UNC79: variants seen among roughly 807,000 people sequenced by gnomAD.
UNC79 encodes the protein unc-79 subunit of NALCN channel complex.
In UNC79, 37 loss-of-function variants were observed where a neutral mutation model predicts 283.1. That is an observed-to-expected ratio of 0.13 (90% CI 0.10 to 0.17). UNC79 has a LOEUF of 0.17. Among genes scored for constraint, UNC79 ranks in the 10% least tolerant of loss-of-function variants. The pLI is 1.00. For missense variants in UNC79, 2,272 were observed against 3,211.1 expected (o/e 0.71, Z 7.07); for synonymous variants, 1,107 against 1,200.2 (o/e 0.92, Z 1.61).
At chr14:93,588,740 C>CAAAAAA (rs397745981) in intron 22 of UNC79, among the ~76,000 whole-genome samples, 11 of 17,784 alleles carry the variant, frequency 6.2e-4, no homozygotes, top group Non-Finnish European at 1.4e-3. Flanking sequence ...GACTCCGTCT[C>CAAAAAA]AAAAAAAAAA....
intron 1 of UNC79, among the ~76,000 whole-genome samples, chr14:93,374,559 G>C (rs72708601): frequency 0.084 from 12,744 of 151,738 alleles, 581 homozygotes; most frequent in Middle Eastern, 0.14. Flanking sequence ...CTTTTTTTGA[G>C]ACAGGGCCTC....
At chr14:93,591,933 T>C (rs7149457) in intron 22 of UNC79, among the ~76,000 whole-genome samples, 11,239 of 152,238 alleles carry the variant, frequency 0.074, 914 homozygotes, top group African/African-American at 0.2. Context: ...AAATTATTGC[T>C]GTAGTACAGT....
In UNC79 at chr14:93,340,399, G is replaced by A. The variant is rs140639340; in HGVS notation, c.-351+6876G>A. Reference sequence around the variant, plus strand: ...GGAGCTTGCAGTGAGCAGAGATTGCGCCACTGCACTCTAGCCTGGGCGACA... The same window carrying A: ...GGAGCTTGCAGTGAGCAGAGATTGCACCACTGCACTCTAGCCTGGGCGACA... On this transcript the variant is annotated intron_variant, in intron 1 of 49. Transcript: ENST00000256339. Among the ~76,000 whole-genome samples the A allele has an allele frequency of 2.7e-3, 380 of 138,770 alleles. 1 individual carries two copies. Among genetic ancestry groups the A allele is most frequent in the African/African-American group, 0.01 (365 of 36,306 alleles). 91.0% of individuals were successfully genotyped at this position (138,770 alleles called of 152,430 possible).
chr14:93,363,173 C>T lies in UNC79; in HGVS notation c.-351+29650C>T, dbSNP rs560318617. 1.1e-3 allele frequency among the ~76,000 whole-genome samples: 161 copies of T among 152,228 alleles called. 1 individual carries two copies. The highest frequency in any genetic ancestry group is 3.7e-3 in the African/African-American group (152 of 41,548). On this transcript the variant is annotated intron_variant, in intron 1 of 49. Coordinates refer to the UNC79 transcript ENST00000256339. ...TTATAGTATGTTGTATCTTTGTTTTCATCAGTTTCAAGGAATTTCTTGATT... is the reference window on the plus strand; with the variant it reads ...TTATAGTATGTTGTATCTTTGTTTTTATCAGTTTCAAGGAATTTCTTGATT...
chr14:93,372,516 G>T (rs993000565), intron 1 of UNC79, among the ~76,000 whole-genome samples: 1 of 152,178 alleles, frequency 6.6e-6, no homozygotes, highest in African/African-American at 2.4e-5. Context: ...GAAAGCAGGA[G>T]TAGCTATGTT....
chr14:93,497,353 T>A, intron 7 of UNC79, 67 bp downstream of exon 7: 1 of 1,510,154 alleles, frequency 6.6e-7, no homozygotes, highest in Non-Finnish European at 8.8e-7. Flanking sequence ...CCTCACCTAC[T>A]TATACATACA....
At chr14:93,543,293 C>G (rs1429982123) in intron 14 of UNC79, among the ~76,000 whole-genome samples, 1 of 151,828 alleles carries the variant, frequency 6.6e-6, no homozygotes, top group East Asian at 1.9e-4. Context: ...TGCACCTATT[C>G]CTCTCACTTA....
chr14:93,523,289 C>G (rs558528157), intron 7 of UNC79, among the ~76,000 whole-genome samples: 171 of 152,174 alleles, frequency 1.1e-3, no homozygotes, highest in Middle Eastern at 6.8e-3. Context: ...AGCAGACTAG[C>G]AGAGATTTAA....
rs1166680278 is a variant in UNC79 at position 93,690,248 on chromosome 14, C to G, written c.7217C>G (p.Ser2406Cys). 1 of 1,614,054 alleles carries G rather than the reference C, an allele frequency of 6.2e-7. No homozygotes were observed. Among genetic ancestry groups the G allele is most frequent in the Non-Finnish European group, 8.5e-7 (1 of 1,180,044 alleles). ...CTGCCCATTCCTCTGGATGCAGGCTCCCACGTTGCAGACCATCTTATTGTT... is the reference window on the plus strand; with the variant it reads ...CTGCCCATTCCTCTGGATGCAGGCTGCCACGTTGCAGACCATCTTATTGTT... The change falls in exon 45 of 49, where the codon TCC (serine) becomes TGC (cysteine). Residue 2406 changes from serine to cysteine, a missense_variant. Physicochemically the swap from Ser to Cys is moderately radical, Grantham distance 112. Around this residue, in one of 11 missense-constraint regions of UNC79, gnomAD observed 225 missense variants for 334.2 expected, o/e 0.67. Coordinates refer to ENST00000555664, the Ensembl canonical transcript of UNC79. The surrounding 1 kb of genome is among the most constrained non-coding windows in gnomAD (Gnocchi z 4.3).
chr14:93,406,842 G>A (rs1423305642), intron 1 of UNC79, among the ~76,000 whole-genome samples: 3 of 152,140 alleles, frequency 2.0e-5, no homozygotes, highest in Middle Eastern at 3.4e-3. Context: ...TTTCCTAGGC[G>A]GCTATAACAA....
rs2074416050 is a variant in UNC79, at chr14:93,688,409, C to T, written c.6910-256C>T. Among the ~76,000 whole-genome samples the T allele has an allele frequency of 1.3e-5, 2 of 152,132 alleles. No individual in the cohort carries two copies. The highest frequency in any genetic ancestry group is 4.2e-4 in the South Asian group (2 of 4,802). ...AAGGGAATAGCAGCAGGGGGGAACACAGAGAGCCAACACAGCTGGAGCTGC... is the reference window on the plus strand; with the variant it reads ...AAGGGAATAGCAGCAGGGGGGAACATAGAGAGCCAACACAGCTGGAGCTGC... On this transcript the variant is annotated intron_variant, in intron 43 of 48. Coordinates refer to ENST00000555664, the Ensembl canonical transcript of UNC79. This position sits in a 1 kb window ranked among gnomAD's most constrained non-coding sequence, Gnocchi z 4.0.
At chr14:93,480,195 A>G (rs1301592622) in intron 4 of UNC79, among the ~76,000 whole-genome samples, 1 of 152,240 alleles carries the variant, frequency 6.6e-6, no homozygotes, top group Admixed American at 6.5e-5. Context: ...GAGGAGAATA[A>G]AACAGTAAGT....
At chr14:93,442,119 T>C (rs185868138) in intron 1 of UNC79, among the ~76,000 whole-genome samples, 2 of 152,298 alleles carry the variant, frequency 1.3e-5, no homozygotes, top group Admixed American at 1.3e-4. Context: ...CTTAGTGGCT[T>C]AGTCTTTTTT....
At chr14:93,603,677 C>T (rs1164139183) in intron 26 of UNC79, among the ~76,000 whole-genome samples, 1 of 152,280 alleles carries the variant, frequency 6.6e-6, no homozygotes, top group East Asian at 1.9e-4. Flanking sequence ...TGCATTGATG[C>T]TTGGCATGCA....
rs545589928 is a variant in UNC79, at chr14:93,611,218, C to T, written c.3755-1579C>T. The stretch of plus-strand genomic sequence containing the variant: ...TTTGATAAAAAGTTTCTCTAAAGTG[C>T]GTCATACATACTCATTCCTTCATGA... On this transcript the variant is annotated intron_variant, in intron 26 of 48. Transcript: ENST00000555664. Among the ~76,000 whole-genome samples the T allele has an allele frequency of 3.9e-5, 6 of 152,254 alleles. No homozygotes were observed. The East Asian group carries it at 7.7e-4, about 20-fold the overall frequency.
intron 40 of UNC79, among the ~76,000 whole-genome samples, chr14:93,668,978 TAAAA>T (rs543609091): frequency 7.5e-5 from 6 of 79,926 alleles, no homozygotes; most frequent in African/African-American, 8.8e-5. Context: ...GAACATTGTC[TAAAA>T]AAAAAAAAAA....
intron 1 of UNC79, among the ~76,000 whole-genome samples, chr14:93,421,182 A>T (rs1480565721): frequency 1.3e-5 from 2 of 151,704 alleles, no homozygotes; most frequent in African/African-American, 4.8e-5. Flanking sequence ...TTTTGAAAAG[A>T]TAAACAAAAT....
chr14:93,347,408 C>T (rs1253629740), intron 1 of UNC79: 4 of 1,492,886 alleles, frequency 2.7e-6, no homozygotes, highest in East Asian at 5.1e-5. Flanking sequence ...AGTTGAGGCC[C>T]AGCCATCATG....
chr14:93,423,962 A>G (rs2055666659), intron 1 of UNC79, among the ~76,000 whole-genome samples: 2 of 152,214 alleles, frequency 1.3e-5, no homozygotes, highest in African/African-American at 4.8e-5. Flanking sequence ...CAAACTACCT[A>G]TTTGACAAGG....
Sources: gnomAD v4.1 joint callset for allele counts (sites outside exome capture counted in the v4.1 genomes callset) on GRCh38, gnomAD v4.1.1 for gene constraint, gnomAD v4.1.1 regional missense constraint, Gnocchi (gnomAD v3.1) non-coding constraint, MANE v1.5 for transcripts, NCBI Gene and HGNC (gene_info 2026-07-23, HGNC 2026-07-21) for gene names.